The following TNR variants were observed in gnomAD, a reference collection of about 807,000 sequenced individuals.
TNR encodes the protein tenascin R.
In TNR, 45 loss-of-function variants were observed where a neutral mutation model predicts 150.4. The observed-to-expected ratio is 0.30, with a 90% CI of 0.24 to 0.38. TNR has a LOEUF of 0.38. Among genes scored for constraint, TNR ranks in the 10% least tolerant of loss-of-function variants. TNR has a pLI of 1.00. For missense variants in TNR, 1,544 were observed against 1,759.1 expected, an observed-to-expected ratio of 0.88 and a Z score of 2.19; for synonymous variants, 687 against 678.4, an observed-to-expected ratio of 1.01 and a Z score of -0.20.
At chr1:175,364,945 T>C in intron 12 of TNR, 65 bp downstream of exon 12, 1 of 1,515,516 alleles carries the variant, frequency 6.6e-7, no homozygotes, top group Non-Finnish European at 8.8e-7. Context: ...TAAAATTTCA[T>C]TGATTTGTCA....
At chr1:175,623,025 A>G (rs1664031122) in intron 1 of TNR, among the ~76,000 whole-genome samples, 1 of 152,188 alleles carries the variant, frequency 6.6e-6, no homozygotes, top group Non-Finnish European at 1.5e-5. Context: ...CTATTTCCAA[A>G]TAAGGTTACA....
chr1:175,400,910 G>C (rs1257560892), intron 4 of TNR, among the ~76,000 whole-genome samples: 2 of 152,190 alleles, frequency 1.3e-5, no homozygotes, highest in Non-Finnish European at 2.9e-5. Flanking sequence ...TGTAGCACTT[G>C]GTTTAAAAAG....
chr1:175,710,338 C>T (rs1260360586), intron 1 of TNR, among the ~76,000 whole-genome samples: 1 of 152,070 alleles, frequency 6.6e-6, no homozygotes, highest in African/African-American at 2.4e-5. Context: ...GAGCTGTGGG[C>T]ATGGAGCAGG....
At chr1:175,332,131 T>C (rs981200354) in intron 20 of TNR, among the ~76,000 whole-genome samples, 1 of 152,194 alleles carries the variant, frequency 6.6e-6, no homozygotes, top group Non-Finnish European at 1.5e-5. Context: ...TGCCTTCTTC[T>C]TGGAAAATTG....
chr1:175,559,535 T>C (rs759397147), intron 1 of TNR, among the ~76,000 whole-genome samples: 60 of 152,298 alleles, frequency 3.9e-4, no homozygotes, highest in Non-Finnish European at 6.8e-4. Context: ...TAGTTCTCAC[T>C]CCCACGAATT....
At chr1:175,563,680 C>A (rs1243962503) in intron 1 of TNR, among the ~76,000 whole-genome samples, 2 of 152,190 alleles carry the variant, frequency 1.3e-5, no homozygotes, top group Non-Finnish European at 2.9e-5. Context: ...ATTCATTCCT[C>A]GCTTTTGGCA....
At chr1:175,622,447 GCC>G (rs1404653330) in intron 1 of TNR, among the ~76,000 whole-genome samples, 1 of 152,160 alleles carries the variant, frequency 6.6e-6, no homozygotes, top group Non-Finnish European at 1.5e-5. Context: ...CCCGTGGGAT[GCC>G]CACACTAACC....
chr1:175,405,618 A>AGTGTGT lies in TNR; in HGVS notation c.499+592_499+597dup, dbSNP rs60670165. The stretch of plus-strand genomic sequence containing the variant: ...GAGAGAGAGAGTATGTGTGTGTGAG[A>AGTGTGT]GTGTGTGTGTGTGTGTGTGTGTGTG... On this transcript the variant is annotated intron_variant, in intron 3 of 22. Transcript: ENST00000367674. 5.4e-4 allele frequency among the ~76,000 whole-genome samples: 81 copies of AGTGTGT among 150,204 alleles called. 1 individual carries two copies. Among genetic ancestry groups the AGTGTGT allele is most frequent in the Admixed American group, 1.6e-3 (24 of 15,110 alleles).
rs530884053 is a variant in TNR, at chr1:175,380,745, G to A, written c.1778-1008C>T. ...TGGCTATCTCCTCAAGCTGCTTTGG[G>A]CAGAAACAGCATAAACAACTTGCAG... On this transcript the variant is annotated intron_variant, in intron 8 of 22. Coordinates refer to ENST00000367674, the MANE Select transcript of TNR (RefSeq NM_003285.3). Among the ~76,000 whole-genome samples the A allele has an allele frequency of 1.7e-3, 256 of 152,272 alleles. 3 individuals carry two copies. The Middle Eastern group carries it at 0.024, about 14-fold the overall frequency.
chr1:175,666,088 G>T (rs544920916), intron 1 of TNR, among the ~76,000 whole-genome samples: 1 of 152,252 alleles, frequency 6.6e-6, no homozygotes, highest in Non-Finnish European at 1.5e-5. Flanking sequence ...GTCCTCTCAG[G>T]GGTGTTAGAT....
At chr1:175,425,654 AT>A (rs1654935757) in intron 2 of TNR, among the ~76,000 whole-genome samples, 1 of 152,182 alleles carries the variant, frequency 6.6e-6, no homozygotes, top group Non-Finnish European at 1.5e-5. Flanking sequence ...GCAGGGTAAA[AT>A]GGCAGCTGGG....
Position 175,335,708 on chromosome 1 carries a change from T to C in TNR, c.3631+3A>G. The C allele has an allele frequency of 6.2e-7, 1 of 1,611,574 alleles. No individual in the cohort carries two copies. The highest frequency in any genetic ancestry group is 8.5e-7 in the Non-Finnish European group (1 of 1,179,074). On this transcript the variant is annotated splice_donor_region_variant and intron_variant, in intron 20 of 22. Transcript: ENST00000367674. ...TCAATGGAAAGCAATAAGGAGGCTT[T>C]ACCCAGCCAGAACTCATCCTCCACG... is the stretch of plus-strand genomic sequence containing the variant.
At chr1:175,380,330 A>G (rs893166902) in intron 8 of TNR, among the ~76,000 whole-genome samples, 2 of 89,598 alleles carry the variant, frequency 2.2e-5, no homozygotes, top group African/African-American at 9.2e-5. Flanking sequence ...AAGTCTTTTA[A>G]CCCTGCTTGG....
At chr1:175,418,725 A>G (rs147421247) in intron 2 of TNR, among the ~76,000 whole-genome samples, 8,563 of 144,944 alleles carry the variant, frequency 0.059, 308 homozygotes, top group Middle Eastern at 0.15. Context: ...AGAGAGAGAA[A>G]AAAAAAAAAA....
intron 2 of TNR, among the ~76,000 whole-genome samples, chr1:175,469,803 C>T (rs1472486081): frequency 1.3e-5 from 2 of 151,958 alleles, no homozygotes; most frequent in Non-Finnish European, 2.9e-5. Flanking sequence ...TCTTTGACAT[C>T]AATATGGCTC....
intron 17 of TNR, 109 bp from the exon 18 acceptor site, chr1:175,354,632 A>G: frequency 2.1e-6 from 3 of 1,404,974 alleles, no homozygotes; most frequent in Non-Finnish European, 3.0e-6. Context: ...CAGTATTGCA[A>G]TGGCCATTGT....
intron 15 of TNR, among the ~76,000 whole-genome samples, 185 bp from the exon 16 acceptor site, chr1:175,356,647 G>GA (rs1426822511): frequency 1.3e-4 from 19 of 151,754 alleles, no homozygotes; most frequent in Admixed American, 1.2e-3. Flanking sequence ...TATCATAATT[G>GA]AAAAAAAGTG....
At chr1:175,693,893 C>A (rs1340501244) in intron 1 of TNR, among the ~76,000 whole-genome samples, 2 of 152,194 alleles carry the variant, frequency 1.3e-5, no homozygotes, top group Admixed American at 1.3e-4. Flanking sequence ...GCTCTCTTGT[C>A]CTTAACTTAT....
rs1652904266 is a variant in TNR, at chr1:175,386,051, G to T, written c.1758C>A (p.Ala586=). 1 of 1,598,618 alleles carries T rather than the reference G, an allele frequency of 6.3e-7. No individual in the cohort carries two copies. The highest frequency in any genetic ancestry group is 1.1e-5 in the South Asian group (1 of 89,948). ...AVRGTNESDS[A]TTQFTTEIDA... ...CCTTACCTGTTGTGAACTGAGTGGT[G>T]GCAGAATCGCTCTCGTTGGTCCCTC... The change falls in exon 8 of 23, where the codon GCC becomes GCA. Residue 586 remains alanine (A), a synonymous_variant. Transcript: ENST00000367674.
Sources: allele counts gnomAD v4.1 joint callset (sites outside exome capture counted in the v4.1 genomes callset), GRCh38; gene constraint gnomAD v4.1.1; transcripts MANE v1.5; gene names NCBI Gene and HGNC (gene_info 2026-07-23, HGNC 2026-07-21).